Variants in HIVEP3 observed in about 807,000 individuals in gnomAD.
HIVEP3 encodes the protein HIVEP zinc finger 3.
HIVEP3 carries 49 observed loss-of-function variants against 152.8 expected under a neutral mutation model. The ratio of observed to expected loss-of-function variants is 0.32; its 90% CI spans 0.26 to 0.41. HIVEP3 has a LOEUF of 0.41. Among genes scored for constraint, HIVEP3 ranks in the 10% least tolerant of loss-of-function variants. The pLI, the probability that HIVEP3 is intolerant of heterozygous loss-of-function variation, is 1.00. For missense variants in HIVEP3, 2,790 were observed against 3,103.3 expected, an observed-to-expected ratio of 0.90 and a Z score of 2.40; for synonymous variants, 1,269 against 1,289.0, an observed-to-expected ratio of 0.98 and a Z score of 0.33.
chr1:41,633,025 G>C (rs145281330), intron 2 of HIVEP3, among the ~76,000 whole-genome samples: 1 of 152,148 alleles, frequency 6.6e-6, no homozygotes, highest in Non-Finnish European at 1.5e-5. Flanking sequence ...CAGGTGGAAG[G>C]AGAGAGACTT....
intron 1 of HIVEP3, among the ~76,000 whole-genome samples, chr1:41,908,821 A>C (rs1327387): frequency 6.6e-6 from 1 of 151,980 alleles, no homozygotes; most frequent in African/African-American, 2.4e-5. Context: ...CTTGAAGACA[A>C]TAGCCAACAA....
chr1:41,890,443 G>T (rs1644428369), intron 1 of HIVEP3, among the ~76,000 whole-genome samples: 1 of 152,192 alleles, frequency 6.6e-6, no homozygotes, highest in African/African-American at 2.4e-5. Flanking sequence ...AAGAGCCACA[G>T]TACAGGCACT....
intron 2 of HIVEP3, among the ~76,000 whole-genome samples, chr1:41,666,374 G>A (rs1468395790): frequency 6.6e-6 from 1 of 152,154 alleles, no homozygotes; most frequent in Non-Finnish European, 1.5e-5. Context: ...GGGCCTTGGA[G>A]CCACATAGAC....
At chr1:41,841,042 A>C (rs1344742434) in intron 1 of HIVEP3, among the ~76,000 whole-genome samples, 1 of 152,176 alleles carries the variant, frequency 6.6e-6, no homozygotes, top group East Asian at 1.9e-4. Flanking sequence ...AAGGAGCTGA[A>C]TCACCCACCT....
At chr1:41,626,174 G>T (rs1193542925) in intron 3 of HIVEP3, among the ~76,000 whole-genome samples, 2 of 152,126 alleles carry the variant, frequency 1.3e-5, no homozygotes, top group East Asian at 3.8e-4. Context: ...GGTGCTGATG[G>T]GCCACCCCGC....
At chr1:41,766,604 G>A (rs1648024474) in intron 1 of HIVEP3, among the ~76,000 whole-genome samples, 1 of 152,238 alleles carries the variant, frequency 6.6e-6, no homozygotes, top group South Asian at 2.1e-4. Context: ...CTTGCACAAT[G>A]ATGCACAGCT....
chr1:41,738,199 A>C (rs1257703013), intron 1 of HIVEP3, among the ~76,000 whole-genome samples: 3 of 152,210 alleles, frequency 2.0e-5, no homozygotes, highest in Non-Finnish European at 4.4e-5. Flanking sequence ...GACGAGCGGG[A>C]AGCAGCGTCC....
intron 1 of HIVEP3, among the ~76,000 whole-genome samples, chr1:41,901,472 G>A (rs551946794): frequency 7.0e-4 from 106 of 152,138 alleles, no homozygotes; most frequent in Non-Finnish European, 3.2e-4. Context: ...AGGGAGCTGC[G>A]ATCCTCAATA....
At chr1:41,824,517 A>G (rs1446555256) in intron 1 of HIVEP3, among the ~76,000 whole-genome samples, 1 of 151,904 alleles carries the variant, frequency 6.6e-6, no homozygotes, top group Non-Finnish European at 1.5e-5. Context: ...CTTGTGACCC[A>G]CACAACCTCG....
intron 1 of HIVEP3, among the ~76,000 whole-genome samples, chr1:42,033,452 C>A (rs775574911): frequency 1.0e-3 from 152 of 152,322 alleles, no homozygotes; most frequent in Admixed American, 3.1e-3. Context: ...TGTATGCCCT[C>A]CTAGTCCTTT....
intron 1 of HIVEP3, among the ~76,000 whole-genome samples, chr1:41,894,377 C>A (rs1463193525): frequency 6.6e-6 from 1 of 152,192 alleles, no homozygotes; most frequent in African/African-American, 2.4e-5. Flanking sequence ...CTTCCATTAG[C>A]TCACTCACAG....
At chr1:41,976,474 G>T (rs1364774902) in intron 1 of HIVEP3, among the ~76,000 whole-genome samples, 1 of 152,144 alleles carries the variant, frequency 6.6e-6, no homozygotes, top group East Asian at 1.9e-4. Flanking sequence ...CTGCCTCTAA[G>T]AATTCACACC....
Position 41,582,066 on chromosome 1 carries a change from G to T in HIVEP3, c.2732C>A (p.Ala911Glu). 6.2e-7 allele frequency: 1 copy of T among 1,614,188 alleles called. No homozygotes were observed. The highest frequency in any genetic ancestry group is 8.5e-7 in the Non-Finnish European group (1 of 1,180,038). Residue 911 changes from alanine (A) to glutamate (E), a missense_variant, in exon 4 of 9, where the codon GCA (alanine) becomes GAA (glutamate). Ala to Glu is a moderately radical substitution (Grantham distance 107). Around this residue, in one of 9 missense-constraint regions of HIVEP3, gnomAD observed 1,078 missense variants for 1,165.3 expected, o/e 0.93. Coordinates refer to ENST00000372583, the MANE Select transcript of HIVEP3 (RefSeq NM_024503.5). The surrounding 1 kb of genome is among the most constrained non-coding windows in gnomAD (Gnocchi z 4.7). The stretch of plus-strand genomic sequence containing the variant: ...CTCCCCTGATGATTGGGCCATCTCT[G>T]CCAGGCGCAACCTCTTCTTTTTGGG... ...LPPKKKRLRL[A>E]EMAQSSGESS...
At chr1:41,938,078 T>C (rs1173927606) in intron 1 of HIVEP3, among the ~76,000 whole-genome samples, 3 of 152,174 alleles carry the variant, frequency 2.0e-5, no homozygotes, top group Non-Finnish European at 4.4e-5. Context: ...ACTTTCTGCA[T>C]GGAACACGCT....
chr1:41,939,565 C>T (rs567600306), intron 1 of HIVEP3, among the ~76,000 whole-genome samples: 30 of 152,292 alleles, frequency 2.0e-4, no homozygotes, highest in East Asian at 1.9e-4. Flanking sequence ...GCTGGTAAGA[C>T]GAGGGAAGTC....
rs116255628 is a variant in HIVEP3 at position 41,536,372 on chromosome 1, T to A, written c.5208-11462A>T. On this transcript the variant is annotated intron_variant, in intron 5 of 8. Coordinates refer to ENST00000372583, the MANE Select transcript of HIVEP3 (RefSeq NM_024503.5). Reference sequence around the variant, plus strand: ...CACCGACAGAGCGGCTTTGGGTGGATTAGCTTGTGTATGAGTGTCATAACA... The same window carrying A: ...CACCGACAGAGCGGCTTTGGGTGGAATAGCTTGTGTATGAGTGTCATAACA... Among the ~76,000 whole-genome samples the A allele has an allele frequency of 3.9e-3, 595 of 152,252 alleles. 1 individual carries two copies. The highest frequency in any genetic ancestry group is 6.2e-3 in the Non-Finnish European group (425 of 68,006).
At chr1:42,023,543 G>T (rs983312026) in intron 1 of HIVEP3, among the ~76,000 whole-genome samples, 3 of 152,152 alleles carry the variant, frequency 2.0e-5, no homozygotes, top group Admixed American at 6.5e-5. Context: ...GGATCATGGA[G>T]GTGGATCCTT....
At chr1:41,539,955 G>T (rs944509362) in intron 5 of HIVEP3, among the ~76,000 whole-genome samples, 2 of 152,200 alleles carry the variant, frequency 1.3e-5, no homozygotes, top group Non-Finnish European at 2.9e-5. Flanking sequence ...TGCTGAGTAC[G>T]AATAGCAGGT....
chr1:41,896,799 C>A lies in HIVEP3; in HGVS notation c.-801+21614G>T, dbSNP rs141401915. On this transcript the variant is annotated intron_variant, in intron 1 of 8. Transcript: ENST00000372583. ...CCATGGTAGCCAGGATAGTCTCAAT[C>A]TCCTGACCTCGTGATCTGCCTTCCT... 6.2e-3 allele frequency among the ~76,000 whole-genome samples: 944 copies of A among 152,180 alleles called. 10 individuals carry two copies. The highest frequency in any genetic ancestry group is 0.018 in the African/African-American group (743 of 41,510).
Sources: allele counts gnomAD v4.1 joint callset (sites outside exome capture counted in the v4.1 genomes callset), GRCh38; gene constraint gnomAD v4.1.1; regional missense constraint gnomAD v4.1.1; non-coding constraint Gnocchi (gnomAD v3.1); transcripts MANE v1.5; gene names NCBI Gene and HGNC (gene_info 2026-07-23, HGNC 2026-07-21).